ZFX: variants seen among roughly 807,000 people sequenced by gnomAD.
ZFX encodes zinc finger X-chromosomal protein.
For synonymous variants in ZFX, 196 were observed against 226.8 expected (o/e 0.86, Z 1.22); for missense variants, 362 against 628.3 (o/e 0.58, Z 4.53).
intron 3 of ZFX, among the ~76,000 whole-genome samples, chrX:24,168,044 A>G (rs1376902824): frequency 8.9e-6 from 1 of 112,182 alleles, no homozygotes; most frequent in African/African-American, 3.2e-5. Flanking sequence ...AGATTTGAAA[A>G]TGAGATATCT....
intron 4 of ZFX, among the ~76,000 whole-genome samples, chrX:24,178,578 C>T (rs931077390): frequency 5.1e-4 from 51 of 100,358 alleles, no homozygotes; most frequent in Non-Finnish European, 8.2e-4. Flanking sequence ...ACTGAGCCAG[C>T]GCGCCTGGCC....
intron 3 of ZFX, among the ~76,000 whole-genome samples, chrX:24,160,380 C>T (rs1320315634): frequency 9.7e-6 from 1 of 102,963 alleles, no homozygotes; most frequent in Non-Finnish European, 2.0e-5. Flanking sequence ...CTCACTGTAA[C>T]CTTTGCCTCC....
chrX:24,174,987 C>T (rs1026632211), intron 4 of ZFX, among the ~76,000 whole-genome samples: 6 of 111,814 alleles, frequency 5.4e-5, no homozygotes, highest in Admixed American at 9.5e-5. Context: ...AGGTGTGAGC[C>T]ACTGTGCTCG....
Position 24,211,051 on chromosome X carries a change from A to C in ZFX, c.2093A>C (p.Lys698Thr). Reference sequence around the variant, plus strand: ...CACCAGTGTAGACATTGTGACTTTAAGATTGCAGATCCATTTGTTCTAAGT... The same window carrying C: ...CACCAGTGTAGACATTGTGACTTTACGATTGCAGATCCATTTGTTCTAAGT... ...KMHQCRHCDF[K>T]IADPFVLSRH... Residue 698 changes from lysine to threonine, a missense_variant, in exon 10 of 10, where the codon AAG becomes ACG. Coordinates refer to ENST00000304543, the MANE Select transcript of ZFX (RefSeq NM_003410.4). The C allele has an allele frequency of 8.2e-7, 1 of 1,212,328 alleles. No homozygotes were observed. The highest frequency in any genetic ancestry group is 1.1e-6 in the Non-Finnish European group (1 of 895,679).
intron 5 of ZFX, among the ~76,000 whole-genome samples, chrX:24,190,019 G>A (rs1250270188): frequency 8.9e-6 from 1 of 112,094 alleles, no homozygotes; most frequent in East Asian, 2.8e-4. Context: ...GTTATTTACT[G>A]AACTAAGGAT....
chrX:24,180,196 C>T (rs1358944520), intron 5 of ZFX, among the ~76,000 whole-genome samples: 2 of 108,582 alleles, frequency 1.8e-5, no homozygotes, highest in Admixed American at 2.0e-4. Flanking sequence ...TGTGCTACTG[C>T]ACTTCAGCCT....
At chrX:24,172,941 C>T in intron 4 of ZFX, 141 bp downstream of exon 4, 1 of 528,447 alleles carries the variant, frequency 1.9e-6, no homozygotes, top group Admixed American at 4.7e-5. Flanking sequence ...ACGGTGAGCA[C>T]ATTATTATTA....
chrX:24,201,438 G>A (rs1432211057), intron 5 of ZFX, among the ~76,000 whole-genome samples: 4 of 112,618 alleles, frequency 3.6e-5, no homozygotes, highest in Non-Finnish European at 7.5e-5. Context: ...AACCTGAAGG[G>A]TACAGACAAA....
intron 8 of ZFX, among the ~76,000 whole-genome samples, chrX:24,208,595 C>T (rs758223607): frequency 8.9e-6 from 1 of 112,514 alleles, no homozygotes; most frequent in Non-Finnish European, 1.9e-5. Flanking sequence ...GCAAGAAGTA[C>T]ACAGGCTTTC....
intron 3 of ZFX, among the ~76,000 whole-genome samples, chrX:24,160,323 G>A (rs772882301): frequency 1.1e-5 from 1 of 94,481 alleles, no homozygotes; most frequent in African/African-American, 4.1e-5. Context: ...TTTTGAGAGC[G>A]GGTCTCGCTC....
chrX:24,208,999 C>T lies in ZFX; in HGVS notation c.1193C>T (p.Pro398Leu). ...AGLGRLAKQKPKKRRRPDSRQ... is the reference protein window; with the variant it reads ...AGLGRLAKQKLKKRRRPDSRQ... ...CTCGGCAGACTGGCTAAACAAAAAC[C>T]AAAGAAAAGGAGAAGACCTGATTCC... Residue 398 changes from proline (P) to leucine (L), a missense_variant, in exon 9 of 10, where the codon CCA becomes CTA. Physicochemically the swap from Pro to Leu is moderately conservative, Grantham distance 98. Coordinates refer to ENST00000304543, the MANE Select transcript of ZFX (RefSeq NM_003410.4). 1 of 1,211,279 alleles carries T rather than the reference C, an allele frequency of 8.3e-7. No homozygotes were observed. Among genetic ancestry groups the T allele is most frequent in the Non-Finnish European group, 1.1e-6 (1 of 895,446 alleles).
intron 3 of ZFX, among the ~76,000 whole-genome samples, chrX:24,153,083 C>G (rs145042632): frequency 0.015 from 1,696 of 111,956 alleles, 14 homozygotes; most frequent in Non-Finnish European, 0.019. Flanking sequence ...AATGCTTACT[C>G]TCATTGCAAA....
chrX:24,209,715 A>G (rs775872137), intron 9 of ZFX, among the ~76,000 whole-genome samples: 7 of 110,796 alleles, frequency 6.3e-5, no homozygotes, highest in Non-Finnish European at 1.3e-4. Context: ...GGCTAGGATT[A>G]CAGATGTGTG....
chrX:24,215,789 G>A lies in ZFX; in HGVS notation c.*4413G>A, dbSNP rs1226663128. On this transcript the variant is annotated 3_prime_UTR_variant, in exon 10 of 10. Coordinates refer to ENST00000304543, the MANE Select transcript of ZFX (RefSeq NM_003410.4). Reference sequence around the variant, plus strand: ...GCCTCCCATGGTTACATTCTTCAAAGGTAAACTGAGTTGAGAGGAAGATTC... The same window carrying A: ...GCCTCCCATGGTTACATTCTTCAAAAGTAAACTGAGTTGAGAGGAAGATTC... 1 of 110,159 alleles carries A rather than the reference G, an allele frequency of 9.1e-6. No individual in the cohort carries two copies. Among genetic ancestry groups the A allele is most frequent in the Non-Finnish European group, 1.9e-5 (1 of 52,817 alleles). 9.1% of individuals were successfully genotyped at this position (110,159 alleles called of 1,213,427 possible). A position where few individuals can be genotyped will look rare whatever the true frequency, so the allele number is the denominator to read the frequency against.
intron 5 of ZFX, among the ~76,000 whole-genome samples, chrX:24,185,280 G>A (rs1329851189): frequency 9.0e-6 from 1 of 110,877 alleles, no homozygotes; most frequent in Non-Finnish European, 1.9e-5. Context: ...AGCCACTTTT[G>A]CACTCTTACT....
chrX:24,151,600 T>TG (rs1336978280), intron 1 of ZFX, 91 bp from the exon 2 acceptor site: 2 of 111,801 alleles, frequency 1.8e-5, no homozygotes, highest in African/African-American at 6.5e-5. Flanking sequence ...TTATACTCAA[T>TG]GGGGTAGGCA....
At chrX:24,207,612 A>AAAGT (rs1937687095) in intron 6 of ZFX, 100 bp from the exon 7 acceptor site, 1 of 1,127,768 alleles carries the variant, frequency 8.9e-7, no homozygotes, top group African/African-American at 1.8e-5. Context: ...TAGTAATACC[A>AAAGT]AAGTTTGTAA....
At position 24,160,739 on chromosome X, in the gene ZFX, A is replaced by G. The variant is rs751336109; in HGVS notation, c.-29+7909A>G. 2.7e-5 allele frequency among the ~76,000 whole-genome samples: 3 copies of G among 111,846 alleles called. No homozygotes were observed. The East Asian group carries it at 8.3e-4, about 31-fold the overall frequency. ...GAACGTTCAGAATCCTTTCTTCTAGATATTTGAAAATACATAATGAATTAT... is the reference window on the plus strand; with the variant it reads ...GAACGTTCAGAATCCTTTCTTCTAGGTATTTGAAAATACATAATGAATTAT... On this transcript the variant is annotated intron_variant, in intron 3 of 9. Coordinates refer to ENST00000304543, the MANE Select transcript of ZFX (RefSeq NM_003410.4).
intron 2 of ZFX, among the ~76,000 whole-genome samples, chrX:24,152,110 A>G (rs765223841): frequency 9.0e-6 from 1 of 110,703 alleles, no homozygotes; most frequent in East Asian, 2.8e-4. Flanking sequence ...TTATTTGACG[A>G]AAATGAGAAA....
Sources: gnomAD v4.1 joint callset for allele counts (sites outside exome capture counted in the v4.1 genomes callset) on GRCh38, gnomAD v4.1.1 for gene constraint, MANE v1.5 for transcripts, NCBI Gene and HGNC (gene_info 2026-07-23, HGNC 2026-07-21) for gene names.